Variants in TRPM3 observed in about 807,000 individuals in gnomAD.
TRPM3 encodes the protein transient receptor potential cation channel subfamily M member 3.
In TRPM3, 77 loss-of-function variants were observed where a neutral mutation model predicts 181.2. The ratio of observed to expected loss-of-function variants is 0.42; its 90% confidence interval spans 0.35 to 0.51. The LOEUF (loss-of-function observed/expected upper bound fraction) is 0.51, where lower values mean the gene tolerates loss of function less well. TRPM3 is among the 20% of genes least tolerant of loss of function. The probability of loss-of-function intolerance (pLI) is 0.01; values close to 1 mark genes in which losing one functional copy is unlikely to be tolerated. For synonymous variants in TRPM3, 745 were observed against 796.4 expected, an observed-to-expected ratio of 0.94 and a Z score of 1.09; for missense variants, 1,759 against 2,196.7, an observed-to-expected ratio of 0.80 and a Z score of 3.98.
intron 1 of TRPM3, among the ~76,000 whole-genome samples, chr9:70,951,182 A>G (rs1269573624): frequency 6.6e-6 from 1 of 152,180 alleles, no homozygotes; most frequent in Admixed American, 6.6e-5. Context: ...TAAAATACGA[A>G]TTAGGAATGT....
At chr9:70,831,439 A>C (rs910388608) in intron 5 of TRPM3, among the ~76,000 whole-genome samples, 4 of 143,686 alleles carry the variant, frequency 2.8e-5, no homozygotes, top group East Asian at 4.1e-4. Flanking sequence ...GAACAATTTG[A>C]TGTGTTCATA....
intron 1 of TRPM3, among the ~76,000 whole-genome samples, chr9:71,393,103 G>A (rs2093102497): frequency 6.6e-6 from 1 of 152,068 alleles, no homozygotes; most frequent in Admixed American, 6.6e-5. Flanking sequence ...GAAAATGTCT[G>A]GGCAGTTTTG....
chr9:71,130,370 G>A (rs550185386), intron 1 of TRPM3, among the ~76,000 whole-genome samples: 4 of 152,218 alleles, frequency 2.6e-5, no homozygotes, highest in East Asian at 3.9e-4. Flanking sequence ...AACTTATGAC[G>A]TTTGTTTCAA....
At chr9:71,032,008 A>AT (rs1301677229) in intron 1 of TRPM3, among the ~76,000 whole-genome samples, 897 of 1,522 alleles carry the variant, frequency 0.59, 321 homozygotes, top group Middle Eastern at 1. Flanking sequence ...TAATTATATA[A>AT]TATATAATAT....
chr9:70,777,588 T>C (rs1373321932), intron 7 of TRPM3, among the ~76,000 whole-genome samples: 2 of 152,158 alleles, frequency 1.3e-5, no homozygotes, highest in Admixed American at 6.5e-5. Flanking sequence ...TTATATATAC[T>C]ACAGAGGCAA....
chr9:70,627,907 A>G (rs1340992225), intron 12 of TRPM3, among the ~76,000 whole-genome samples: 1 of 152,182 alleles, frequency 6.6e-6, no homozygotes, highest in Non-Finnish European at 1.5e-5. Context: ...CTGAATCAGC[A>G]AGCTAAGCTA....
chr9:70,998,142 CACATATATATATACATATAT>C (rs2097559937), intron 1 of TRPM3, among the ~76,000 whole-genome samples: 5 of 58,268 alleles, frequency 8.6e-5, no homozygotes, highest in Non-Finnish European at 1.3e-4. Context: ...CATATATATA[CACATATATATATACATATAT>C]ACATATATAC....
At chr9:70,653,979 C>G (rs1244815349) in intron 9 of TRPM3, among the ~76,000 whole-genome samples, 1 of 151,996 alleles carries the variant, frequency 6.6e-6, no homozygotes, top group African/African-American at 2.4e-5. Context: ...TTACCTTGTA[C>G]TGTGAGGAGA....
intron 21 of TRPM3, among the ~76,000 whole-genome samples, chr9:70,596,029 T>G (rs1402705269): frequency 2.6e-5 from 4 of 152,192 alleles, no homozygotes; most frequent in Non-Finnish European, 4.4e-5. Flanking sequence ...TACTCACCAA[T>G]TTTTCCTTTC....
At chr9:70,930,834 T>G (rs2096769020) in intron 1 of TRPM3, among the ~76,000 whole-genome samples, 1 of 152,122 alleles carries the variant, frequency 6.6e-6, no homozygotes, top group African/African-American at 2.4e-5. Context: ...TGCAGCATGT[T>G]TAGTTGAGAA....
chr9:71,330,738 G>C (rs1418910296), intron 1 of TRPM3, among the ~76,000 whole-genome samples: 1 of 151,806 alleles, frequency 6.6e-6, no homozygotes, highest in Non-Finnish European at 1.5e-5. Context: ...GGGAATCTGA[G>C]TACAAGGCAG....
chr9:70,906,015 G>A (rs2096460179), intron 1 of TRPM3, among the ~76,000 whole-genome samples: 1 of 152,026 alleles, frequency 6.6e-6, no homozygotes, highest in South Asian at 2.1e-4. Flanking sequence ...AGCCACCTAG[G>A]CCAGCAGAGA....
rs1002929545 is a variant in TRPM3, at chr9:70,638,932, G to A, written c.1581+128C>T. The A allele has an allele frequency of 1.1e-5, 12 of 1,066,874 alleles. No individual in the cohort carries two copies. The African/African-American group carries it at 1.4e-4, about 13-fold the overall frequency. 66.1% of individuals were successfully genotyped at this position (1,066,874 alleles called of 1,614,324 possible). ...TTGTCATCTATGTAGGTCTAAGGGA[G>A]TATTTGTGATGAATGAACCATGCAT... On this transcript the variant is annotated intron_variant, in intron 11 of 25. Transcript: ENST00000677713.
rs28550611 is a variant in TRPM3, at chr9:71,032,077, T to A, written c.177+89101A>T. On this transcript the variant is annotated intron_variant, in intron 1 of 25. Transcript: ENST00000677713. ...TATATATTATATATATTATATTATA[T>A]TATATATATATAATTATATAATATT... 1.9e-3 allele frequency among the ~76,000 whole-genome samples: 18 copies of A among 9,694 alleles called. 1 individual carries two copies. The highest frequency in any genetic ancestry group is 0.011 in the South Asian group (3 of 274). 6.4% of individuals were successfully genotyped at this position (9,694 alleles called of 152,430 possible). A position where few individuals can be genotyped will look rare whatever the true frequency, so the allele number is the denominator to read the frequency against.
intron 1 of TRPM3, among the ~76,000 whole-genome samples, chr9:71,343,259 T>C (rs911252091): frequency 6.6e-6 from 1 of 152,044 alleles, no homozygotes; most frequent in African/African-American, 2.4e-5. Context: ...CAAACAAAAA[T>C]AAATGTACTC....
chr9:71,350,900 T>C (rs1335522575), intron 1 of TRPM3, among the ~76,000 whole-genome samples: 1 of 152,198 alleles, frequency 6.6e-6, no homozygotes, highest in African/African-American at 2.4e-5. Flanking sequence ...GAGGGGGCGA[T>C]AGTTCTATAA....
chr9:70,620,410 G>C lies in TRPM3; in HGVS notation c.1840-45C>G, dbSNP rs752531839. 3.9e-6 allele frequency: 6 copies of C among 1,551,184 alleles called. No individual in the cohort carries two copies. The South Asian group carries it at 7.3e-5, about 19-fold the overall frequency. ...ACACAGACTGAGTTAGAAATGAATT[G>C]GTTCATTTCAGCAAGTAGCAGTTGT... On this transcript the variant is annotated intron_variant, in intron 15 of 25. Transcript: ENST00000677713.
rs919461433 is a variant in TRPM3, at chr9:71,027,785, T to C, written c.177+93393A>G. On this transcript the variant is annotated intron_variant, in intron 1 of 25. Transcript: ENST00000677713. ...AGAAAGAAGAAAGAATGAAAAGAAA[T>C]AAACAAAAACTCTGAGAAATATGGG... Among the ~76,000 whole-genome samples the C allele has an allele frequency of 8.6e-5, 13 of 151,786 alleles. 1 individual carries two copies. The highest frequency in any genetic ancestry group is 3.1e-4 in the African/African-American group (13 of 41,360).
intron 1 of TRPM3, among the ~76,000 whole-genome samples, chr9:71,131,053 T>A (rs2074342302): frequency 6.6e-6 from 1 of 152,192 alleles, no homozygotes; most frequent in African/African-American, 2.4e-5. Flanking sequence ...GTTCTCTCCA[T>A]GGAGTTAAGA....
Sources: gnomAD v4.1 joint callset for allele counts (sites outside exome capture counted in the v4.1 genomes callset) on GRCh38, gnomAD v4.1.1 for gene constraint, MANE v1.5 for transcripts, NCBI Gene and HGNC (gene_info 2026-07-23, HGNC 2026-07-21) for gene names.